Variants in LRP1B observed in about 807,000 individuals in gnomAD.
LRP1B encodes the protein low-density lipoprotein receptor-related protein 1B.
Under a neutral mutation model 556.6 loss-of-function variants are expected in LRP1B, and 217 were observed. That is an observed-to-expected ratio of 0.39 (90% CI 0.35 to 0.44). The LOEUF (loss-of-function observed/expected upper bound fraction) is 0.44. Ranked by LOEUF, LRP1B falls within the 20% of genes least tolerant of loss-of-function variation. The pLI, the probability that LRP1B is intolerant of heterozygous loss-of-function variation, is 1.00. For missense variants in LRP1B, 5,053 were observed against 5,620.8 expected (o/e 0.90, Z 3.23); for synonymous variants, 2,047 against 1,865.8 (o/e 1.10, Z -2.50).
chr2:141,410,745 T>G (rs1158823797), intron 3 of LRP1B, among the ~76,000 whole-genome samples: 1 of 152,052 alleles, frequency 6.6e-6, no homozygotes, highest in East Asian at 1.9e-4. Flanking sequence ...ATATTTTCCA[T>G]GTTTAAAATA....
chr2:140,793,171 A>G lies in LRP1B; in HGVS notation c.5360-16933T>C, dbSNP rs74268807. ...TTTAAACTTTTTTTATTGTAGAATCATAAGTCTACAATAAAAGTTTCTGAT... is the reference window on the plus strand; with the variant it reads ...TTTAAACTTTTTTTATTGTAGAATCGTAAGTCTACAATAAAAGTTTCTGAT... On this transcript the variant is annotated intron_variant, in intron 32 of 90. Transcript: ENST00000389484. Among the ~76,000 whole-genome samples, 569 of 152,104 alleles carry G rather than the reference A, an allele frequency of 3.7e-3. 24 individuals are homozygous for G. In the East Asian group the frequency reaches 0.1, roughly 28 times the overall value.
intron 27 of LRP1B, among the ~76,000 whole-genome samples, chr2:140,852,342 A>C (rs1692484580): frequency 6.6e-6 from 1 of 152,180 alleles, no homozygotes; most frequent in African/African-American, 2.4e-5. Context: ...GAAACAAACA[A>C]AAAAAGACGT....
intron 7 of LRP1B, among the ~76,000 whole-genome samples, chr2:141,083,370 G>C (rs1699972140): frequency 6.8e-6 from 1 of 148,094 alleles, no homozygotes; most frequent in African/African-American, 2.5e-5. Flanking sequence ...GTAAAATGAA[G>C]AAGGAACAGG....
intron 43 of LRP1B, among the ~76,000 whole-genome samples, chr2:140,576,239 T>C (rs911051761): frequency 6.6e-6 from 1 of 152,162 alleles, no homozygotes; most frequent in Non-Finnish European, 1.5e-5. Flanking sequence ...AATTTCTAAC[T>C]CTAGACTTTG....
intron 3 of LRP1B, among the ~76,000 whole-genome samples, chr2:141,291,341 T>C (rs1178508161): frequency 6.6e-6 from 1 of 152,194 alleles, no homozygotes; most frequent in Non-Finnish European, 1.5e-5. Flanking sequence ...CACTTCCACT[T>C]TGACAAGAAC....
chr2:140,233,428 T>C (rs971915856), intron 90 of LRP1B, 102 bp from the exon 91 acceptor site: 26 of 687,828 alleles, frequency 3.8e-5, no homozygotes, highest in African/African-American at 3.3e-4. Flanking sequence ...AATATTTATA[T>C]GCAATACATT....
intron 6 of LRP1B, among the ~76,000 whole-genome samples, chr2:141,221,011 C>T (rs901617602): frequency 1.6e-4 from 25 of 152,064 alleles, no homozygotes; most frequent in African/African-American, 6.0e-4. Context: ...AACAAGTCTG[C>T]AGAATAACCA....
intron 1 of LRP1B, among the ~76,000 whole-genome samples, chr2:141,876,594 C>A (rs77060415): frequency 0.16 from 23,991 of 151,864 alleles, 1,964 homozygotes; most frequent in South Asian, 0.19. Context: ...ACACTCTTTA[C>A]TTTTCTAGTC....
chr2:141,415,948 C>T (rs1417419195), intron 3 of LRP1B, among the ~76,000 whole-genome samples: 1 of 152,130 alleles, frequency 6.6e-6, no homozygotes, highest in African/African-American at 2.4e-5. Flanking sequence ...TTGAGAACTC[C>T]TTAAGAATAC....
chr2:141,644,351 C>A (rs1689468257), intron 2 of LRP1B, among the ~76,000 whole-genome samples: 2 of 151,996 alleles, frequency 1.3e-5, no homozygotes, highest in African/African-American at 4.8e-5. Context: ...CGCATAAGAT[C>A]TCTCTCTTGC....
intron 66 of LRP1B, among the ~76,000 whole-genome samples, chr2:140,408,927 C>CA: frequency 6.6e-6 from 1 of 151,928 alleles, no homozygotes; most frequent in Admixed American, 6.6e-5. Flanking sequence ...TGGGAAAGGT[C>CA]AGAAAGATAG....
intron 2 of LRP1B, among the ~76,000 whole-genome samples, chr2:141,635,847 T>A (rs1689093504): frequency 6.6e-6 from 1 of 152,168 alleles, no homozygotes; most frequent in African/African-American, 2.4e-5. Context: ...AGTGAATGAC[T>A]GAACAGAGGA....
At chr2:140,811,328 A>G in intron 32 of LRP1B, among the ~76,000 whole-genome samples, 1 of 152,054 alleles carries the variant, frequency 6.6e-6, no homozygotes, top group African/African-American at 2.4e-5. Context: ...CCATTTTTTG[A>G]TACTATATTT....
At chr2:141,289,214 C>T (rs897818266) in intron 3 of LRP1B, among the ~76,000 whole-genome samples, 1 of 151,486 alleles carries the variant, frequency 6.6e-6, no homozygotes, top group Non-Finnish European at 1.5e-5. Context: ...GAAACTCCGT[C>T]TCTACTAAAA....
chr2:140,718,791 A>T (rs530341058), intron 35 of LRP1B, among the ~76,000 whole-genome samples: 2 of 151,910 alleles, frequency 1.3e-5, no homozygotes, highest in South Asian at 2.1e-4. Flanking sequence ...TCACTTACCC[A>T]TCTCTAGTAA....
intron 18 of LRP1B, among the ~76,000 whole-genome samples, chr2:140,960,573 A>G (rs1213310006): frequency 6.6e-6 from 1 of 151,826 alleles, no homozygotes; most frequent in East Asian, 1.9e-4. Flanking sequence ...AAAAAGAAGC[A>G]TGCACTCAAT....
intron 3 of LRP1B, among the ~76,000 whole-genome samples, chr2:141,442,300 T>A (rs1284766833): frequency 1.3e-5 from 2 of 152,124 alleles, no homozygotes; most frequent in Non-Finnish European, 2.9e-5. Flanking sequence ...TTTTGATATA[T>A]CTTACTTTTT....
intron 41 of LRP1B, among the ~76,000 whole-genome samples, chr2:140,666,301 T>TACACAC (rs56905500): frequency 0.028 from 4,122 of 147,874 alleles, 61 homozygotes; most frequent in Non-Finnish European, 0.038. Context: ...CCATTTATTA[T>TACACAC]ACACACACAC....
rs116216231 is a variant in LRP1B at position 141,218,484 on chromosome 2, G to A, written c.850+10699C>T. Among the ~76,000 whole-genome samples, 1,072 of 152,192 alleles carry A rather than the reference G, an allele frequency of 7.0e-3. 10 individuals are homozygous for A. Among genetic ancestry groups the A allele is most frequent in the African/African-American group, 0.023 (967 of 41,542 alleles). On this transcript the variant is annotated intron_variant, in intron 6 of 90. Coordinates refer to ENST00000389484, the MANE Select transcript of LRP1B (RefSeq NM_018557.3). ...AGGATGAAATCATGTCCTTTGCAGC[G>A]ACATGTATGCAGCTGGAAGCCATTA...
Sources: gnomAD v4.1 joint callset for allele counts (sites outside exome capture counted in the v4.1 genomes callset) on GRCh38, gnomAD v4.1.1 for gene constraint, MANE v1.5 for transcripts, NCBI Gene and HGNC (gene_info 2026-07-23, HGNC 2026-07-21) for gene names.